The following NEK10 variants were observed in gnomAD, a reference collection of about 807,000 sequenced individuals.
NEK10 encodes the protein serine/threonine-protein kinase Nek10.
Under a neutral mutation model 159.8 loss-of-function variants are expected in NEK10, and 122 were observed. The ratio of observed to expected loss-of-function variants is 0.76; its 90% CI spans 0.66 to 0.89. The LOEUF (loss-of-function observed/expected upper bound fraction) is 0.89. Ranked by LOEUF, NEK10 falls within the 40% of genes least tolerant of loss-of-function variation. NEK10 has a pLI of 0.00. For synonymous variants in NEK10, 466 were observed against 457.1 expected, an observed-to-expected ratio of 1.02 and a Z score of -0.25; for missense variants, 1,342 against 1,323.1, an observed-to-expected ratio of 1.01 and a Z score of -0.22.
chr3:27,272,126 T>A (rs2041410225), intron 22 of NEK10, among the ~76,000 whole-genome samples: 1 of 152,174 alleles, frequency 6.6e-6, no homozygotes, highest in African/African-American at 2.4e-5. Context: ...TGCAAGGTAT[T>A]CCCAACCCTA....
chr3:27,205,468 C>T (rs1473319092), intron 23 of NEK10, among the ~76,000 whole-genome samples: 9 of 104,828 alleles, frequency 8.6e-5, no homozygotes, highest in Admixed American at 3.3e-4. Context: ...TACTACAAGG[C>T]TACAGTAACC....
At chr3:27,280,188 A>G (rs1419389765) in intron 22 of NEK10, among the ~76,000 whole-genome samples, 1 of 152,036 alleles carries the variant, frequency 6.6e-6, no homozygotes, top group Non-Finnish European at 1.5e-5. Context: ...CTTGGCAACA[A>G]CAGAGGATGA....
chr3:27,193,739 A>G (rs1949325230), intron 25 of NEK10, among the ~76,000 whole-genome samples: 1 of 151,456 alleles, frequency 6.6e-6, no homozygotes, highest in African/African-American at 2.4e-5. Flanking sequence ...GACTGCCTTC[A>G]GACAGATATC....
At chr3:27,216,999 C>G (rs572338234) in intron 23 of NEK10, among the ~76,000 whole-genome samples, 1 of 152,080 alleles carries the variant, frequency 6.6e-6, no homozygotes, top group East Asian at 1.9e-4. Flanking sequence ...AGAGAAAAAA[C>G]CAAAAACTTT....
Position 27,287,728 on chromosome 3 carries a change from T to C in NEK10, c.1759A>G (p.Ile587Val). 1.3e-6 allele frequency: 2 copies of C among 1,563,700 alleles called. No individual in the cohort carries two copies. The highest frequency in any genetic ancestry group is 2.4e-5 in the South Asian group (2 of 82,216). ...IIKEQLYHPN[I>V]VRYYKTFLEN... ...AGAAATGTTTTGTAATAACGTACAA[T>C]GTTGGGATGATAAAGCTATAAGAAA... Residue 587 changes from isoleucine (I) to valine (V), a missense_variant, in exon 20 of 36, where the codon ATT becomes GTT. By Grantham distance (29) the Ile-to-Val change is conservative. Transcript: ENST00000691995.
chr3:27,296,766 C>T (rs1294737182), intron 14 of NEK10, among the ~76,000 whole-genome samples: 5 of 152,020 alleles, frequency 3.3e-5, no homozygotes, highest in African/African-American at 4.8e-5. Context: ...AAATCAGTTT[C>T]TTGGCAATAA....
At chr3:27,335,523 C>G (rs1276415529) in intron 5 of NEK10, among the ~76,000 whole-genome samples, 1 of 152,122 alleles carries the variant, frequency 6.6e-6, no homozygotes, top group African/African-American at 2.4e-5. Context: ...CAGACATTAA[C>G]AGGACATTTT....
At chr3:27,142,709 G>T (rs889347977) in intron 30 of NEK10, among the ~76,000 whole-genome samples, 1 of 152,070 alleles carries the variant, frequency 6.6e-6, no homozygotes, top group Non-Finnish European at 1.5e-5. Flanking sequence ...CATTTAAAGA[G>T]AACATTCAAT....
chr3:27,334,769 A>C (rs2046677407), intron 5 of NEK10, among the ~76,000 whole-genome samples: 1 of 152,228 alleles, frequency 6.6e-6, no homozygotes. Flanking sequence ...AATTTTAAAA[A>C]TTAGAAGTGA....
At chr3:27,270,588 G>T (rs1410251955) in intron 22 of NEK10, among the ~76,000 whole-genome samples, 2 of 152,076 alleles carry the variant, frequency 1.3e-5, no homozygotes, top group Non-Finnish European at 2.9e-5. Context: ...GCCATCATCC[G>T]TCCATGCTAC....
At chr3:27,246,343 T>C (rs970076401) in intron 23 of NEK10, among the ~76,000 whole-genome samples, 7 of 152,192 alleles carry the variant, frequency 4.6e-5, no homozygotes, top group African/African-American at 1.7e-4. Context: ...ACTCAATAGG[T>C]ATTTTTTCTG....
At chr3:27,227,516 A>T (rs1952758987) in intron 23 of NEK10, among the ~76,000 whole-genome samples, 1 of 152,184 alleles carries the variant, frequency 6.6e-6, no homozygotes, top group Admixed American at 6.5e-5. Context: ...CATCGGGCAC[A>T]TATTGACTTC....
At chr3:27,190,046 A>G (rs982348952) in intron 26 of NEK10, among the ~76,000 whole-genome samples, 1 of 152,160 alleles carries the variant, frequency 6.6e-6, no homozygotes, top group Non-Finnish European at 1.5e-5. Flanking sequence ...TTCTTCTAAC[A>G]AAAGCTATGC....
chr3:27,152,887 T>C (rs575385581), intron 30 of NEK10, among the ~76,000 whole-genome samples: 2 of 152,234 alleles, frequency 1.3e-5, no homozygotes, highest in East Asian at 1.9e-4. Flanking sequence ...AAAAAAACTT[T>C]AAAGCAACAG....
Position 27,304,916 on chromosome 3 carries a change from C to G in NEK10, c.859G>C (p.Val287Leu). The change falls in exon 12 of 36, where the codon GTG becomes CTG. Residue 287 changes from valine (V) to leucine (L), a missense_variant. By Grantham distance (32) the Val-to-Leu change is conservative. Coordinates refer to ENST00000691995, the MANE Select transcript of NEK10 (RefSeq NM_001394966.1). ...LCAEPQVKEQ[V>L]KLYEGIPVLL... ...ACCGGTATCCCCTCATAGAGCTTCA[C>G]CTGCTCTTTCACCTGGGGCTCTGCA... is the stretch of plus-strand genomic sequence containing the variant. 6.2e-7 allele frequency: 1 copy of G among 1,613,570 alleles called. No homozygotes were observed.
chr3:27,231,751 T>C (rs865802320), intron 23 of NEK10, among the ~76,000 whole-genome samples: 3 of 151,338 alleles, frequency 2.0e-5, no homozygotes, highest in Non-Finnish European at 4.4e-5. Context: ...ATAGAGGAAA[T>C]GGACAAAATC....
intron 23 of NEK10, among the ~76,000 whole-genome samples, chr3:27,250,229 C>G (rs898486627): frequency 6.6e-6 from 1 of 151,660 alleles, no homozygotes; most frequent in Non-Finnish European, 1.5e-5. Context: ...CTCTGTCACC[C>G]AGGCTGGAGT....
At chr3:27,295,392 A>C (rs1052637491) in intron 15 of NEK10, among the ~76,000 whole-genome samples, 3 of 152,182 alleles carry the variant, frequency 2.0e-5, no homozygotes, top group Admixed American at 6.5e-5. Flanking sequence ...CACCTAAATA[A>C]ATCACCTAAT....
intron 30 of NEK10, among the ~76,000 whole-genome samples, chr3:27,158,306 A>T (rs1454212459): frequency 1.3e-5 from 2 of 152,202 alleles, no homozygotes; most frequent in Non-Finnish European, 2.9e-5. Flanking sequence ...TTATATGATT[A>T]AAAATGCTAT....
Sources: allele counts gnomAD v4.1 joint callset (sites outside exome capture counted in the v4.1 genomes callset), GRCh38; gene constraint gnomAD v4.1.1; transcripts MANE v1.5; gene names NCBI Gene and HGNC (gene_info 2026-07-23, HGNC 2026-07-21).